The following LCMT1 variants were observed in gnomAD, a reference collection of about 807,000 sequenced individuals.
The protein encoded by LCMT1 is [Phosphatase 2A protein]-leucine-carboxy methyltransferase 1.
Under a neutral mutation model 47.7 loss-of-function variants are expected in LCMT1, and 32 were observed. The observed-to-expected ratio is 0.67, with a 90% CI of 0.51 to 0.90. LCMT1 has a LOEUF of 0.90. LCMT1 is among the 40% of genes least tolerant of loss of function. The pLI, the probability that LCMT1 is intolerant of heterozygous loss-of-function variation, is 0.00. For missense variants in LCMT1, 375 were observed against 415.2 expected (o/e 0.90, Z 0.84); for synonymous variants, 152 against 149.7 (o/e 1.02, Z -0.11).
intron 1 of LCMT1, among the ~76,000 whole-genome samples, chr16:25,126,897 G>A (rs1482702403): frequency 6.6e-6 from 1 of 152,150 alleles, no homozygotes; most frequent in Non-Finnish European, 1.5e-5. Flanking sequence ...TAAAACTGTG[G>A]GATGAGTATT....
intron 7 of LCMT1, among the ~76,000 whole-genome samples, 190 bp from the exon 8 acceptor site, chr16:25,168,922 C>T (rs1961665113): frequency 6.6e-6 from 1 of 152,112 alleles, no homozygotes; most frequent in Admixed American, 6.6e-5. Flanking sequence ...GCCCAGTTTC[C>T]CTTCCAGGGC....
At chr16:25,138,457 C>G (rs559831517) in intron 3 of LCMT1, among the ~76,000 whole-genome samples, 1 of 151,480 alleles carries the variant, frequency 6.6e-6, no homozygotes, top group East Asian at 2.0e-4. Context: ...GTGTGCGTGA[C>G]TGGGTAGGGA....
chr16:25,118,008 C>G (rs543003366), intron 1 of LCMT1, among the ~76,000 whole-genome samples: 12 of 152,260 alleles, frequency 7.9e-5, no homozygotes, highest in African/African-American at 2.6e-4. Context: ...TCCTTAACCT[C>G]TGTTTCTGCC....
intron 8 of LCMT1, among the ~76,000 whole-genome samples, chr16:25,170,221 A>G (rs1961715445): frequency 6.6e-6 from 1 of 151,184 alleles, no homozygotes; most frequent in Admixed American, 6.6e-5. Flanking sequence ...CTCCGTCTCA[A>G]AAAAAAATTA....
At chr16:25,162,043 A>G (rs1961447654) in intron 6 of LCMT1, among the ~76,000 whole-genome samples, 1 of 152,198 alleles carries the variant, frequency 6.6e-6, no homozygotes, top group African/African-American at 2.4e-5. Flanking sequence ...ATCACAGTAC[A>G]ACTACTGTGA....
intron 3 of LCMT1, among the ~76,000 whole-genome samples, chr16:25,135,293 C>A (rs6497810): frequency 0.19 from 24,528 of 131,266 alleles, 2,237 homozygotes; most frequent in African/African-American, 0.25. Context: ...AAATATATAT[C>A]TATATATATA....
intron 1 of LCMT1, among the ~76,000 whole-genome samples, chr16:25,121,091 AT>A (rs1271139370): frequency 2.0e-5 from 3 of 151,176 alleles, no homozygotes; most frequent in African/African-American, 7.3e-5. Context: ...AGCAGATTAA[AT>A]TTTGGGATGT....
At chr16:25,132,159 AT>A in intron 2 of LCMT1, 1 of 535,146 alleles carries the variant, frequency 1.9e-6, no homozygotes, top group Admixed American at 2.7e-5. Context: ...ACTATAGCTC[AT>A]TTTTTCAAAG....
Position 25,174,985 on chromosome 16 carries a change from C to T in LCMT1, c.933C>T (p.Leu311=), listed in dbSNP as rs1482469820. 2.4e-5 allele frequency: 39 copies of T among 1,611,190 alleles called. No individual in the cohort carries two copies. In the Admixed American group the frequency reaches 6.2e-4, roughly 26 times the overall value. The change falls in exon 10 of 11, where the codon CTC becomes CTT. Residue 311 remains leucine, a synonymous_variant. Coordinates refer to ENST00000399069, the MANE Select transcript of LCMT1 (RefSeq NM_016309.3). ...ATGAAATGGAGCTGCTGGAGCAGCT[C>T]ATGCGGCATTACTGCCTTTGCTGGG... ...FLDEMELLEQ[L]MRHYCLCWAT...
intron 3 of LCMT1, among the ~76,000 whole-genome samples, chr16:25,136,720 G>A (rs1960516224): frequency 6.6e-6 from 1 of 151,728 alleles, no homozygotes; most frequent in South Asian, 2.1e-4. Flanking sequence ...TGGCTATTTT[G>A]TAGAGATGGG....
chr16:25,170,432 T>G (rs1262963901), intron 8 of LCMT1, among the ~76,000 whole-genome samples: 1 of 152,164 alleles, frequency 6.6e-6, no homozygotes, highest in African/African-American at 2.4e-5. Context: ...GATGGGCTTT[T>G]GAGAAAGGAG....
intron 9 of LCMT1, 91 bp from the exon 10 acceptor site, chr16:25,174,846 C>T (rs1597610040): frequency 3.6e-6 from 2 of 561,406 alleles, no homozygotes; most frequent in Non-Finnish European, 6.0e-6. Context: ...CTTAATCTAT[C>T]ATAAACATTT....
At chr16:25,127,365 T>C (rs981620618) in intron 1 of LCMT1, among the ~76,000 whole-genome samples, 2 of 152,182 alleles carry the variant, frequency 1.3e-5, no homozygotes, top group African/African-American at 4.8e-5. Flanking sequence ...AGTCTGGGCT[T>C]GTATAACAGA....
intron 1 of LCMT1, among the ~76,000 whole-genome samples, chr16:25,127,175 C>T (rs1960215623): frequency 6.6e-6 from 1 of 152,158 alleles, no homozygotes. Context: ...TCATAAATGT[C>T]TTAATCCTTA....
At chr16:25,174,350 C>A (rs1231747757) in intron 9 of LCMT1, among the ~76,000 whole-genome samples, 1 of 152,236 alleles carries the variant, frequency 6.6e-6, no homozygotes, top group Non-Finnish European at 1.5e-5. Flanking sequence ...TACCTTCTCT[C>A]TTAAGAGACA....
chr16:25,131,501 T>C (rs1040630521), intron 2 of LCMT1, among the ~76,000 whole-genome samples: 2 of 152,204 alleles, frequency 1.3e-5, no homozygotes, highest in Admixed American at 6.5e-5. Context: ...TGACATACAA[T>C]GTACAATTCC....
intron 2 of LCMT1, among the ~76,000 whole-genome samples, chr16:25,128,842 A>G (rs1422482612): frequency 1.3e-5 from 2 of 148,956 alleles, no homozygotes; most frequent in African/African-American, 2.5e-5. Flanking sequence ...CTCACTCATA[A>G]ATGGGAGTTG....
chr16:25,170,244 G>A (rs564205812), intron 8 of LCMT1, among the ~76,000 whole-genome samples: 64 of 151,406 alleles, frequency 4.2e-4, no homozygotes, highest in Admixed American at 8.6e-4. Context: ...TAAATAAATA[G>A]GTTCATTTTT....
At position 25,161,203 on chromosome 16, in the gene LCMT1, C is replaced by A; in HGVS notation, c.568C>A (p.Gln190Lys). The A allele has an allele frequency of 6.4e-7, 1 of 1,574,464 alleles. No individual in the cohort carries two copies. Among genetic ancestry groups the A allele is most frequent in the Non-Finnish European group, 8.7e-7 (1 of 1,155,398 alleles). ...EKLKKCNMNT[Q>K]LPTLLIAECV... ...GCTAAAGAAATGTAACATGAATACACAGTGAGATTTTTTTTTTTAAACCTC... is the reference window on the plus strand; with the variant it reads ...GCTAAAGAAATGTAACATGAATACAAAGTGAGATTTTTTTTTTTAAACCTC... The change falls in exon 6 of 11, where the codon CAA (glutamine) becomes AAA (lysine). Residue 190 changes from glutamine (Q) to lysine (K), a missense_variant and splice_region_variant. Coordinates refer to ENST00000399069, the MANE Select transcript of LCMT1 (RefSeq NM_016309.3).
Sources: allele counts gnomAD v4.1 joint callset (sites outside exome capture counted in the v4.1 genomes callset), GRCh38; gene constraint gnomAD v4.1.1; transcripts MANE v1.5; gene names NCBI Gene and HGNC (gene_info 2026-07-23, HGNC 2026-07-21).